Variants in PMM1 observed in about 807,000 individuals in gnomAD.
PMM1 encodes the protein phosphomannomutase 1.
A neutral mutation model predicts 34.0 loss-of-function variants in PMM1; 25 were observed. The observed-to-expected ratio is 0.73, with a 90% CI of 0.54 to 1.03. The LOEUF is 1.03. Ranked by LOEUF, PMM1 falls within the 50% of genes least tolerant of loss-of-function variation. The pLI is 0.00. For missense variants in PMM1, 321 were observed against 350.1 expected (o/e 0.92, Z 0.66); for synonymous variants, 134 against 143.9 (o/e 0.93, Z 0.49).
Position 41,577,178 on chromosome 22 carries a change from G to A in PMM1, c.*140C>T. 1 of 1,143,976 alleles carries A rather than the reference G, an allele frequency of 8.7e-7. No individual in the cohort carries two copies. The allele number at this position is 1,143,976 out of a possible 1,614,324, so 70.9% of individuals were successfully genotyped here. On this transcript the variant is annotated 3_prime_UTR_variant, in exon 8 of 8. Transcript: ENST00000216259. Reference sequence around the variant, plus strand: ...CTGGCTGGGGACGGTTGTCCACACAGACTCTGGCCCCATCTGGGTGGGCTT... The same window carrying A: ...CTGGCTGGGGACGGTTGTCCACACAAACTCTGGCCCCATCTGGGTGGGCTT...
At position 41,589,749 on chromosome 22, in the gene PMM1, G is replaced by A. The variant is rs553943471; in HGVS notation, c.57C>T (p.Asp19=). Residue 19 remains aspartate (D), a synonymous_variant, in exon 1 of 8, where the codon GAC becomes GAT. Transcript: ENST00000216259. ...RRKERVLCLF[D]VDGTLTPARQ... Reference sequence around the variant, plus strand: ...GAGCCGGCGTGAGGGTCCCGTCCACGTCAAACAGGCAGAGGACGCGCTCCT... The same window carrying A: ...GAGCCGGCGTGAGGGTCCCGTCCACATCAAACAGGCAGAGGACGCGCTCCT... 4.3e-6 allele frequency: 7 copies of A among 1,611,968 alleles called. No individual in the cohort carries two copies. The African/African-American group carries it at 8.0e-5, about 18-fold the overall frequency.
At chr22:41,589,563 C>T in intron 1 of PMM1, 156 bp downstream of exon 1, 1 of 649,444 alleles carries the variant, frequency 1.5e-6, no homozygotes, top group South Asian at 1.8e-5. Flanking sequence ...CCCCTCACTC[C>T]CGGTGGGTGG....
At chr22:41,579,153 G>A (rs2067210976) in intron 5 of PMM1, 1 of 446,492 alleles carries the variant, frequency 2.2e-6, no homozygotes, top group Non-Finnish European at 4.2e-6. Flanking sequence ...GGAGAGACAC[G>A]AGTAGGAAGG....
At chr22:41,589,204 C>G (rs2067350084) in intron 1 of PMM1, 1 of 998,940 alleles carries the variant, frequency 1.0e-6, no homozygotes, top group Non-Finnish European at 1.4e-6. Flanking sequence ...GCTTCAGAAA[C>G]TAGACCCAGT....
chr22:41,581,695 A>G (rs2067248699), intron 5 of PMM1, among the ~76,000 whole-genome samples: 1 of 152,134 alleles, frequency 6.6e-6, no homozygotes, highest in African/African-American at 2.4e-5. Flanking sequence ...CTCTACTAAA[A>G]TACAAAATAT....
intron 5 of PMM1, 25 bp from the exon 6 acceptor site, chr22:41,578,906 CA>C: frequency 1.9e-6 from 3 of 1,605,634 alleles, no homozygotes; most frequent in Non-Finnish European, 2.6e-6. Context: ...GAGCGGATGG[CA>C]GCTCAGAGGA....
chr22:41,578,514 A>C (rs2067202674), intron 6 of PMM1, among the ~76,000 whole-genome samples: 1 of 149,652 alleles, frequency 6.7e-6, no homozygotes, highest in Admixed American at 6.6e-5. Flanking sequence ...GACTTCTAGG[A>C]GTTTGGACTT....
At chr22:41,583,851 T>A in intron 5 of PMM1, 108 bp downstream of exon 5, 1 of 762,620 alleles carries the variant, frequency 1.3e-6, no homozygotes, top group African/African-American at 1.7e-5. Flanking sequence ...AGGGTATCAG[T>A]TAAATCAGAA....
intron 2 of PMM1, among the ~76,000 whole-genome samples, chr22:41,585,772 C>T (rs951508199): frequency 2.6e-5 from 4 of 152,138 alleles, no homozygotes; most frequent in Admixed American, 6.6e-5. Flanking sequence ...GGATTACAGG[C>T]GTAAGCCACT....
intron 1 of PMM1, among the ~76,000 whole-genome samples, chr22:41,587,364 C>G (rs147131070): frequency 4.0e-5 from 6 of 149,148 alleles, no homozygotes; most frequent in African/African-American, 7.5e-5. Context: ...CCCTTGAACC[C>G]GGGAGGTGGA....
chr22:41,582,375 C>G (rs549332570), intron 5 of PMM1, among the ~76,000 whole-genome samples: 1 of 152,048 alleles, frequency 6.6e-6, no homozygotes, highest in Non-Finnish European at 1.5e-5. Context: ...GTGAGGATCG[C>G]TTGAGCCTGA....
Position 41,577,300 on chromosome 22 carries a change from C to A in PMM1, c.*18G>T. 6.2e-7 allele frequency: 1 copy of A among 1,612,686 alleles called. No individual in the cohort carries two copies. Among genetic ancestry groups the A allele is most frequent in the South Asian group, 1.1e-5 (1 of 91,088 alleles). ...GCCAAACTCTTCAGAAGTCACGACA[C>A]ACAGATGTGGGCCCCGGTCACGCCT... On this transcript the variant is annotated 3_prime_UTR_variant, in exon 8 of 8. Coordinates refer to ENST00000216259, the MANE Select transcript of PMM1 (RefSeq NM_002676.3).
At chr22:41,584,453 G>A (rs1332665058) in intron 3 of PMM1, 74 bp downstream of exon 3, 6 of 1,573,708 alleles carry the variant, frequency 3.8e-6, no homozygotes, top group South Asian at 1.1e-5. Flanking sequence ...CCCCAGCCCA[G>A]GACAGAAGCC....
At chr22:41,583,660 G>A (rs961084392) in intron 5 of PMM1, among the ~76,000 whole-genome samples, 3 of 152,014 alleles carry the variant, frequency 2.0e-5, no homozygotes, top group Non-Finnish European at 4.4e-5. Context: ...ACACTGACTC[G>A]AGAGGCTGAT....
intron 1 of PMM1, among the ~76,000 whole-genome samples, chr22:41,587,851 A>G (rs17002505): frequency 0.059 from 8,962 of 152,184 alleles, 598 homozygotes; most frequent in African/African-American, 0.16. Flanking sequence ...TTACGTTTCC[A>G]TTCTTTACCA....
rs914168316 is a variant in PMM1, at chr22:41,586,197, T to C, written c.88-4A>G. The C allele has an allele frequency of 6.2e-7, 1 of 1,607,204 alleles. No individual in the cohort carries two copies. Reference sequence around the variant, plus strand: ...CGGCCACCTCAGGGTCAATTTTCTATGGGGGGAGAGGGGAAGCATAGCATT... The same window carrying C: ...CGGCCACCTCAGGGTCAATTTTCTACGGGGGGAGAGGGGAAGCATAGCATT... On this transcript the variant is annotated splice_polypyrimidine_tract_variant and splice_region_variant and intron_variant, in intron 1 of 7. Transcript: ENST00000216259.
At chr22:41,586,372 C>A in intron 1 of PMM1, 179 bp from the exon 2 acceptor site, 2 of 1,163,026 alleles carry the variant, frequency 1.7e-6, no homozygotes, top group Non-Finnish European at 1.1e-6. Flanking sequence ...TCTGCAATCC[C>A]AACACTTTGC....
intron 2 of PMM1, chr22:41,585,008 G>A (rs1169862834): frequency 1.3e-5 from 2 of 158,144 alleles, no homozygotes; most frequent in African/African-American, 4.8e-5. Context: ...ATCGCACTGG[G>A]TTCTCAAGGC....
chr22:41,580,129 G>A (rs926846008), intron 5 of PMM1: 4 of 152,330 alleles, frequency 2.6e-5, no homozygotes, highest in Non-Finnish European at 5.9e-5. Flanking sequence ...CTTCTCTGGA[G>A]AACAAGGCTG....
Sources: allele counts gnomAD v4.1 joint callset (sites outside exome capture counted in the v4.1 genomes callset), GRCh38; gene constraint gnomAD v4.1.1; transcripts MANE v1.5; gene names NCBI Gene and HGNC (gene_info 2026-07-23, HGNC 2026-07-21).